The following CHTOP variants were observed in gnomAD, a reference collection of about 807,000 sequenced individuals.
CHTOP encodes chromatin target of PRMT1, also known as chromatin target of PRMT1 protein.
CHTOP carries 18 observed loss-of-function variants against 33.6 expected under a neutral mutation model. That is an observed-to-expected ratio of 0.54 (90% CI 0.37 to 0.80). The LOEUF (loss-of-function observed/expected upper bound fraction) is 0.80, where lower values mean the gene tolerates loss of function less well. Among genes scored for constraint, CHTOP ranks in the 30% least tolerant of loss-of-function variants. The pLI is 0.00. For synonymous variants in CHTOP, 117 were observed against 127.7 expected (o/e 0.92, Z 0.56); for missense variants, 263 against 336.8 (o/e 0.78, Z 1.71).
At chr1:153,640,367 A>G (rs983847777) in intron 3 of CHTOP, among the ~76,000 whole-genome samples, 2 of 151,078 alleles carry the variant, frequency 1.3e-5, no homozygotes, top group Non-Finnish European at 2.9e-5. Flanking sequence ...CAGCTACTCA[A>G]GAGGCTAAGG....
intron 1 of CHTOP, among the ~76,000 whole-genome samples, chr1:153,635,645 A>G (rs1269212001): frequency 6.6e-6 from 1 of 151,438 alleles, no homozygotes; most frequent in Non-Finnish European, 1.5e-5. Flanking sequence ...ACGTGGAGAA[A>G]CCCCGTCTCT....
At chr1:153,634,772 C>G (rs1196399143) in intron 1 of CHTOP, among the ~76,000 whole-genome samples, 1 of 151,400 alleles carries the variant, frequency 6.6e-6, no homozygotes, top group African/African-American at 2.4e-5. Context: ...TGTTAAAGTC[C>G]CTACTTGATT....
rs899918358 is a variant in CHTOP, at chr1:153,643,483, G to A, written c.541+119G>A. 4 of 1,103,042 alleles carry A rather than the reference G, an allele frequency of 3.6e-6. No individual in the cohort carries two copies. In the South Asian group the frequency reaches 9.8e-5, roughly 27 times the overall value. The allele number at this position is 1,103,042 out of a possible 1,614,324, so 68.3% of individuals were successfully genotyped here. On this transcript the variant is annotated intron_variant, in intron 5 of 5. Transcript: ENST00000368694. ...CAGGCTTCTTTGTTTGTCTTGTTTTGTTATTTGAAACTGGCTTATTTTTCA... is the reference window on the plus strand; with the variant it reads ...CAGGCTTCTTTGTTTGTCTTGTTTTATTATTTGAAACTGGCTTATTTTTCA...
intron 3 of CHTOP, chr1:153,639,558 A>G (rs1292348986): frequency 5.2e-6 from 1 of 192,968 alleles, no homozygotes; most frequent in African/African-American, 2.4e-5. Context: ...AAAAATAAAC[A>G]AGGGTGTCTG....
chr1:153,646,213 G>GA lies in CHTOP; in HGVS notation c.*946dup, dbSNP rs1188819402. Reference sequence around the variant, plus strand: ...GCTTTGTTTTGCCCTTGTTTCCCTTGAAGGTTTAAGTTCAACCATATTCTG... The same window carrying GA: ...GCTTTGTTTTGCCCTTGTTTCCCTTGAAAGGTTTAAGTTCAACCATATTCTG... On this transcript the variant is annotated 3_prime_UTR_variant, in exon 6 of 6. Coordinates refer to ENST00000368694, the MANE Select transcript of CHTOP (RefSeq NM_015607.4). 2.0e-5 allele frequency: 3 copies of GA among 152,120 alleles called. No individual in the cohort carries two copies. Among genetic ancestry groups the GA allele is most frequent in the Non-Finnish European group, 4.4e-5 (3 of 68,034 alleles). The allele number at this position is 152,120 out of a possible 1,614,324, so 9.4% of individuals were successfully genotyped here.
In CHTOP at chr1:153,645,277, C is replaced by A. The variant is rs147051821; in HGVS notation, c.*8C>A. On this transcript the variant is annotated 3_prime_UTR_variant, in exon 6 of 6. Transcript: ENST00000368694. Reference sequence around the variant, plus strand: ...CCCGAAACCAATGATTGAAGCCTGCCCATCCTCCCATGAGAGACTCTTGTT... The same window carrying A: ...CCCGAAACCAATGATTGAAGCCTGCACATCCTCCCATGAGAGACTCTTGTT... 633 of 1,613,610 alleles carry A rather than the reference C, an allele frequency of 3.9e-4. No homozygotes were observed. In the Middle Eastern group the frequency reaches 5.8e-3, roughly 15 times the overall value.
intron 3 of CHTOP, 50 bp from the exon 4 acceptor site, chr1:153,642,196 G>A (rs375725988): frequency 6.6e-7 from 1 of 1,514,740 alleles, no homozygotes. Context: ...GCCAAATCCT[G>A]TTGGATTGCT....
At chr1:153,636,088 A>ATTTT (rs71093280) in intron 1 of CHTOP, among the ~76,000 whole-genome samples, 1 of 138,696 alleles carries the variant, frequency 7.2e-6, no homozygotes, top group African/African-American at 2.7e-5. Flanking sequence ...TGCACCGCTA[A>ATTTT]TTTTTTTTTT....
intron 2 of CHTOP, chr1:153,636,928 C>T: frequency 1.1e-5 from 4 of 369,556 alleles, no homozygotes; most frequent in Non-Finnish European, 2.0e-5. Flanking sequence ...CATTTTTTTA[C>T]GTTGATACTG....
chr1:153,642,235 TC>T lies in CHTOP; in HGVS notation c.220-10del. The T allele has an allele frequency of 6.3e-7, 1 of 1,596,846 alleles. No individual in the cohort carries two copies. Among genetic ancestry groups the T allele is most frequent in the Non-Finnish European group, 8.6e-7 (1 of 1,169,070 alleles). On this transcript the variant is annotated splice_polypyrimidine_tract_variant and intron_variant, in intron 3 of 5. Coordinates refer to ENST00000368694, the MANE Select transcript of CHTOP (RefSeq NM_015607.4). ...TTGATCTCAATCCCCTAACACCTTT[TC>T]TTCCAGAAGAGCTTAAAGCAGCGCC...
chr1:153,640,229 C>T (rs1192558385), intron 3 of CHTOP, among the ~76,000 whole-genome samples: 2 of 151,882 alleles, frequency 1.3e-5, no homozygotes, highest in Admixed American at 6.6e-5. Context: ...AATCCCAGCA[C>T]TCTGGGAGGC....
rs1668223660 is a variant in CHTOP at position 153,634,343 on chromosome 1, G to A, written c.-18G>A. On this transcript the variant is annotated splice_region_variant and 5_prime_UTR_variant, in exon 1 of 6. Coordinates refer to ENST00000368694, the MANE Select transcript of CHTOP (RefSeq NM_015607.4). ...AGGAGCACTGGCGTCTGTTTCCTTC[G>A]GTGAGTTTCGGTAGTGAGAAGGAGC... is the stretch of plus-strand genomic sequence containing the variant. 1 of 153,024 alleles carries A rather than the reference G, an allele frequency of 6.5e-6. No homozygotes were observed. The highest frequency in any genetic ancestry group is 2.1e-4 in the South Asian group (1 of 4,850). 9.5% of individuals were successfully genotyped at this position (153,024 alleles called of 1,614,324 possible).
At position 153,645,299 on chromosome 1, in the gene CHTOP, T is replaced by G. The variant is rs181391343; in HGVS notation, c.*30T>G. 3 of 1,604,636 alleles carry G rather than the reference T, an allele frequency of 1.9e-6. No individual in the cohort carries two copies. Among genetic ancestry groups the G allele is most frequent in the Admixed American group, 3.3e-5 (2 of 59,780 alleles). Reference sequence around the variant, plus strand: ...TGCCCATCCTCCCATGAGAGACTCTTGTTAGTCAACACATCTGTAAATAAC... The same window carrying G: ...TGCCCATCCTCCCATGAGAGACTCTGGTTAGTCAACACATCTGTAAATAAC... On this transcript the variant is annotated 3_prime_UTR_variant, in exon 6 of 6. Transcript: ENST00000368694.
intron 4 of CHTOP, chr1:153,642,854 T>G (rs1413022315): frequency 3.7e-6 from 1 of 267,014 alleles, no homozygotes; most frequent in East Asian, 1.1e-4. Context: ...TATGTTCATT[T>G]GGGGCACTAT....
At chr1:153,643,152 C>T (rs1668688263) in intron 4 of CHTOP, 75 bp from the exon 5 acceptor site, 10 of 1,575,064 alleles carry the variant, frequency 6.3e-6, no homozygotes, top group East Asian at 2.2e-5. Flanking sequence ...TAACCCTCAC[C>T]GCCTTCCTTT....
At chr1:153,638,054 C>G (rs1668474641) in intron 2 of CHTOP, 1 of 498,358 alleles carries the variant, frequency 2.0e-6, no homozygotes, top group South Asian at 2.3e-5. Flanking sequence ...AAGCCGTTAC[C>G]TGAGCCCTCG....
chr1:153,638,961 A>G (rs533086588), intron 3 of CHTOP, among the ~76,000 whole-genome samples: 1 of 151,360 alleles, frequency 6.6e-6, no homozygotes, highest in South Asian at 2.1e-4. Flanking sequence ...GCTCACTGCA[A>G]GCTCCGCCTC....
At chr1:153,644,751 A>G (rs1265977317) in intron 5 of CHTOP, among the ~76,000 whole-genome samples, 1 of 152,222 alleles carries the variant, frequency 6.6e-6, no homozygotes, top group African/African-American at 2.4e-5. Flanking sequence ...CTCAAATGTT[A>G]GGTAATTTTA....
chr1:153,643,529 A>C, intron 5 of CHTOP, 165 bp downstream of exon 5: 1 of 664,848 alleles, frequency 1.5e-6, no homozygotes, highest in Non-Finnish European at 2.3e-6. Flanking sequence ...CTGGTAGTGC[A>C]AAAGTCTCAT....
Sources: allele counts gnomAD v4.1 joint callset (sites outside exome capture counted in the v4.1 genomes callset), GRCh38; gene constraint gnomAD v4.1.1; transcripts MANE v1.5; gene names NCBI Gene and HGNC (gene_info 2026-07-23, HGNC 2026-07-21).